The following BRDT variants were observed in gnomAD, a reference collection of about 807,000 sequenced individuals.
BRDT encodes bromodomain testis-specific protein.
In BRDT, 77 loss-of-function variants were observed where a neutral mutation model predicts 113.9. The ratio of observed to expected loss-of-function variants is 0.68; its 90% CI spans 0.56 to 0.82. BRDT has a LOEUF of 0.82. Among genes scored for constraint, BRDT ranks in the 40% least tolerant of loss-of-function variants. The probability of loss-of-function intolerance (pLI) is 0.00; values close to 1 mark genes in which losing one functional copy is unlikely to be tolerated. For synonymous variants in BRDT, 358 were observed against 366.5 expected (o/e 0.98, Z 0.26); for missense variants, 1,027 against 1,105.4 (o/e 0.93, Z 1.01).
At chr1:91,968,351 C>T in intron 4 of BRDT, 91 bp downstream of exon 4, 2 of 1,483,448 alleles carry the variant, frequency 1.3e-6, no homozygotes, top group Non-Finnish European at 1.8e-6. Context: ...AGGAGACAGA[C>T]ATCCAGAAGT....
rs778949542 is a variant in BRDT at position 91,968,235 on chromosome 1, G to A, written c.420G>A (p.Val140=). Residue 140 remains valine (V), a synonymous_variant, in exon 4 of 19, where the codon GTG becomes GTA. Coordinates refer to ENST00000399546, the MANE Select transcript of BRDT (RefSeq NM_207189.4). ...LSQMPQEEQV[V]GVKERIKKGT... ...AGATGCCACAAGAAGAGCAAGTTGT[G>A]GGTGTTAAGGAAAGAATCAAGAAAG... is the stretch of plus-strand genomic sequence containing the variant. The A allele has an allele frequency of 6.2e-7, 1 of 1,614,006 alleles. No individual in the cohort carries two copies. The highest frequency in any genetic ancestry group is 1.1e-5 in the South Asian group (1 of 91,064).
At chr1:91,985,887 C>T (rs765354905) in intron 12 of BRDT, among the ~76,000 whole-genome samples, 19 of 152,090 alleles carry the variant, frequency 1.2e-4, no homozygotes, top group Admixed American at 1.2e-3. Context: ...ATCCGCCCGC[C>T]TCGGCCTCCC....
At chr1:91,956,092 T>C (rs570033093) in intron 1 of BRDT, among the ~76,000 whole-genome samples, 3 of 152,234 alleles carry the variant, frequency 2.0e-5, no homozygotes, top group African/African-American at 4.8e-5. Flanking sequence ...TCACAAGTTT[T>C]TTTGAGCAAC....
rs182097317 is a variant in BRDT, at chr1:91,967,221, A to G, written c.331-925A>G. On this transcript the variant is annotated intron_variant, in intron 3 of 18. Transcript: ENST00000399546. ...CCATGAGTAAGTTTTGTTTTAACCT[A>G]TTTGTGAGTAGAAATTCTCTTTTTT... is the stretch of plus-strand genomic sequence containing the variant. 1.3e-3 allele frequency among the ~76,000 whole-genome samples: 196 copies of G among 151,950 alleles called. 1 individual carries two copies. The highest frequency in any genetic ancestry group is 9.3e-4 in the Non-Finnish European group (63 of 67,966).
chr1:91,969,592 TAAATTGTA>T (rs1382741623), intron 4 of BRDT, among the ~76,000 whole-genome samples: 4 of 152,124 alleles, frequency 2.6e-5, no homozygotes, highest in African/African-American at 9.6e-5. Context: ...GTATGGTATT[TAAATTGTA>T]AAACCAGCGT....
At chr1:91,965,511 C>T (rs892358595) in intron 3 of BRDT, among the ~76,000 whole-genome samples, 3 of 152,118 alleles carry the variant, frequency 2.0e-5, no homozygotes, top group African/African-American at 7.2e-5. Flanking sequence ...CCTAAAAAGC[C>T]AAACCAATTG....
chr1:92,001,867 A>T (rs1298750988), intron 15 of BRDT, among the ~76,000 whole-genome samples, 182 bp from the exon 16 acceptor site: 1 of 152,232 alleles, frequency 6.6e-6, no homozygotes, highest in African/African-American at 2.4e-5. Flanking sequence ...TAACTTTCAA[A>T]TGAGAAATAT....
chr1:91,955,349 G>T (rs1681626839), intron 1 of BRDT, among the ~76,000 whole-genome samples: 1 of 152,114 alleles, frequency 6.6e-6, no homozygotes, highest in Non-Finnish European at 1.5e-5. Flanking sequence ...AGCTACTAGG[G>T]AGGCTGAGGC....
At chr1:91,980,848 A>T in intron 9 of BRDT, 33 bp downstream of exon 9, 2 of 1,591,574 alleles carry the variant, frequency 1.3e-6, no homozygotes, top group Non-Finnish European at 1.7e-6. Flanking sequence ...GCTTATTAAG[A>T]CAATAACGAT....
intron 16 of BRDT, 90 bp downstream of exon 16, chr1:92,002,239 TA>T (rs1686924452): frequency 2.3e-6 from 2 of 873,088 alleles, no homozygotes; most frequent in African/African-American, 3.5e-5. Flanking sequence ...AGCCCTGACT[TA>T]AATGAAATGT....
intron 1 of BRDT, among the ~76,000 whole-genome samples, chr1:91,952,777 C>CAAAA (rs66618367): frequency 0.031 from 2,214 of 72,178 alleles, 35 homozygotes; most frequent in Non-Finnish European, 0.039. Flanking sequence ...GACCCATCTC[C>CAAAA]AAAAAAAAAA....
At chr1:92,001,943 C>A in intron 15 of BRDT, 106 bp from the exon 16 acceptor site, 1 of 704,084 alleles carries the variant, frequency 1.4e-6, no homozygotes, top group Non-Finnish European at 2.3e-6. Flanking sequence ...AAAAATTAGT[C>A]TCTTTGTTTT....
chr1:91,986,071 C>T (rs1422681092), intron 12 of BRDT, among the ~76,000 whole-genome samples: 7 of 152,002 alleles, frequency 4.6e-5, no homozygotes, highest in Non-Finnish European at 8.8e-5. Flanking sequence ...TATTAAACTT[C>T]GGTATAAATA....
chr1:91,979,908 T>C (rs1284732636), intron 8 of BRDT, 151 bp downstream of exon 8: 2 of 594,264 alleles, frequency 3.4e-6, no homozygotes, highest in Non-Finnish European at 2.7e-6. Flanking sequence ...TTTAATAGTT[T>C]TTCCTAATCA....
Position 92,004,585 on chromosome 1 carries a change from A to G in BRDT, c.2560A>G (p.Thr854Ala), listed in dbSNP as rs758532820. ...ELIRKHLEQN[T>A]KELKASQENQ... ...CATACGGAAGCATTTGGAACAAAAT[A>G]CAAAGGAACTAAAAGCATCTCAAGA... Residue 854 changes from threonine to alanine, a missense_variant, in exon 17 of 19, where the codon ACA becomes GCA. Thr to Ala is a moderately conservative substitution (Grantham distance 58). Coordinates refer to ENST00000399546, the MANE Select transcript of BRDT (RefSeq NM_207189.4). 2 of 1,610,928 alleles carry G rather than the reference A, an allele frequency of 1.2e-6. No individual in the cohort carries two copies. Among genetic ancestry groups the G allele is most frequent in the South Asian group, 2.2e-5 (2 of 90,160 alleles).
At chr1:92,006,945 A>T (rs10875126) in intron 18 of BRDT, among the ~76,000 whole-genome samples, 106,580 of 151,732 alleles carry the variant, frequency 0.7, 38,713 homozygotes, top group Middle Eastern at 0.8. Context: ...GTGCCACCAC[A>T]CCCAGCTAAT....
intron 15 of BRDT, 56 bp downstream of exon 15, chr1:91,994,310 CAT>C: frequency 7.5e-7 from 1 of 1,338,026 alleles, no homozygotes; most frequent in Non-Finnish European, 1.0e-6. Flanking sequence ...TAAACCTATA[CAT>C]ATATGAAAAT....
chr1:91,977,358 G>T lies in BRDT; in HGVS notation c.934G>T (p.Val312Phe), dbSNP rs142308966. ...TTTGGGACTCCATAACTACTATGACGTTGTCAAAAATCCGATGGATCTTGG... is the reference window on the plus strand; with the variant it reads ...TTTGGGACTCCATAACTACTATGACTTTGTCAAAAATCCGATGGATCTTGG... ...NALGLHNYYD[V>F]VKNPMDLGTI... The change falls in exon 6 of 19, where the codon GTT (valine) becomes TTT (phenylalanine). Residue 312 changes from valine (V) to phenylalanine (F), a missense_variant. Coordinates refer to ENST00000399546, the MANE Select transcript of BRDT (RefSeq NM_207189.4). 8.8e-6 allele frequency: 14 copies of T among 1,595,654 alleles called. No homozygotes were observed. The African/African-American group carries it at 1.5e-4, about 17-fold the overall frequency.
At chr1:92,010,401 A>G (rs1279167507) in intron 18 of BRDT, among the ~76,000 whole-genome samples, 1 of 146,664 alleles carries the variant, frequency 6.8e-6, no homozygotes, top group Non-Finnish European at 1.5e-5. Flanking sequence ...CAGCCTCTTG[A>G]GTAGCTAGGA....
Sources: allele counts gnomAD v4.1 joint callset (sites outside exome capture counted in the v4.1 genomes callset), GRCh38; gene constraint gnomAD v4.1.1; transcripts MANE v1.5; gene names NCBI Gene and HGNC (gene_info 2026-07-23, HGNC 2026-07-21).